Variants in EEF1AKMT1 observed in about 807,000 individuals in gnomAD.
The protein encoded by EEF1AKMT1 is EEF1A lysine methyltransferase 1.
A neutral mutation model predicts 21.0 loss-of-function variants in EEF1AKMT1; 18 were observed. That is an observed-to-expected ratio of 0.86 (90% CI 0.59 to 1.27). The LOEUF (loss-of-function observed/expected upper bound fraction) is 1.27, where lower values mean the gene tolerates loss of function less well. EEF1AKMT1 is among the 50% of genes most tolerant of loss of function. The pLI, the probability that EEF1AKMT1 is intolerant of heterozygous loss-of-function variation, is 0.00. For missense variants in EEF1AKMT1, 246 were observed against 258.6 expected (o/e 0.95, Z 0.33); for synonymous variants, 109 against 94.8 (o/e 1.15, Z -0.87).
chr13:20,756,116 C>CA (rs1281494288), intron 2 of EEF1AKMT1, among the ~76,000 whole-genome samples: 1 of 152,036 alleles, frequency 6.6e-6, no homozygotes, highest in African/African-American at 2.4e-5. Context: ...TTATATAACT[C>CA]AGAGATCCAA....
chr13:20,764,880 A>ACACAC (rs2059019235), intron 1 of EEF1AKMT1, among the ~76,000 whole-genome samples: 1 of 139,826 alleles, frequency 7.2e-6, no homozygotes, highest in South Asian at 2.4e-4. Context: ...TTTCACTTTC[A>ACACAC]ACACACACAC....
intron 1 of EEF1AKMT1, among the ~76,000 whole-genome samples, chr13:20,762,437 C>T (rs2059006055): frequency 6.6e-6 from 1 of 152,068 alleles, no homozygotes; most frequent in African/African-American, 2.4e-5. Context: ...GATCCGCCCA[C>T]CTCGGCCTCC....
At chr13:20,740,727 T>C (rs60138702) in intron 2 of EEF1AKMT1, among the ~76,000 whole-genome samples, 10,514 of 152,132 alleles carry the variant, frequency 0.069, 1,081 homozygotes, top group African/African-American at 0.22. Context: ...CGCTTGAACC[T>C]GGGAGGCGGA....
chr13:20,756,460 A>T (rs1202182911), intron 2 of EEF1AKMT1, among the ~76,000 whole-genome samples: 2 of 152,204 alleles, frequency 1.3e-5, no homozygotes, highest in Non-Finnish European at 2.9e-5. Flanking sequence ...TCAGTTCCCC[A>T]ATTTCCGGCA....
intron 1 of EEF1AKMT1, among the ~76,000 whole-genome samples, chr13:20,773,687 C>T (rs1269463428): frequency 6.6e-6 from 1 of 152,244 alleles, no homozygotes; most frequent in Admixed American, 6.5e-5. Flanking sequence ...CGGCGCCTTC[C>T]GGCGACCGGG....
At chr13:20,772,189 G>A (rs1327281884) in intron 1 of EEF1AKMT1, among the ~76,000 whole-genome samples, 1 of 151,824 alleles carries the variant, frequency 6.6e-6, no homozygotes, top group Non-Finnish European at 1.5e-5. Flanking sequence ...TGGCTACTCT[G>A]GGCACACTGT....
intron 1 of EEF1AKMT1, among the ~76,000 whole-genome samples, chr13:20,762,431 C>T (rs565727357): frequency 1.4e-4 from 21 of 152,016 alleles, no homozygotes; most frequent in Admixed American, 4.6e-4. Context: ...TCAAGTGATC[C>T]GCCCACCTCG....
At chr13:20,735,911 G>A (rs1293871190) in intron 3 of EEF1AKMT1, among the ~76,000 whole-genome samples, 7 of 152,064 alleles carry the variant, frequency 4.6e-5, no homozygotes, top group Non-Finnish European at 1.0e-4. Flanking sequence ...GGTAAACTCA[G>A]TAGAAAGTTT....
At chr13:20,763,679 C>G (rs1303950807) in intron 1 of EEF1AKMT1, among the ~76,000 whole-genome samples, 1 of 152,132 alleles carries the variant, frequency 6.6e-6, no homozygotes, top group East Asian at 1.9e-4. Context: ...TCTCAAACTC[C>G]TGACCTCTGG....
intron 2 of EEF1AKMT1, among the ~76,000 whole-genome samples, chr13:20,743,220 C>T (rs1206465819): frequency 6.6e-6 from 1 of 152,024 alleles, no homozygotes; most frequent in East Asian, 1.9e-4. Context: ...GTGTCCATTA[C>T]TGGGCCTGGC....
intron 2 of EEF1AKMT1, among the ~76,000 whole-genome samples, chr13:20,749,776 G>A (rs1369901057): frequency 6.6e-6 from 1 of 152,174 alleles, no homozygotes; most frequent in Non-Finnish European, 1.5e-5. Flanking sequence ...AATATTGAAT[G>A]TATCACTCTA....
In EEF1AKMT1 at chr13:20,728,770, G is replaced by A. The variant is rs2058773314; in HGVS notation, c.*310C>T. The stretch of plus-strand genomic sequence containing the variant: ...AGAGGCCAAGGTCCTGTCTCATTCA[G>A]GAGCCCTTGGGCAAGCCACACAACT... On this transcript the variant is annotated 3_prime_UTR_variant, in exon 5 of 5. Coordinates refer to ENST00000382758, the MANE Select transcript of EEF1AKMT1 (RefSeq NM_001318939.2). The A allele has an allele frequency of 2.8e-6, 1 of 359,416 alleles. No individual in the cohort carries two copies. Among genetic ancestry groups the A allele is most frequent in the Admixed American group, 4.1e-5 (1 of 24,238 alleles). The allele number at this position is 359,416 out of a possible 1,614,324, so 22.3% of individuals were successfully genotyped here.
chr13:20,738,589 G>A (rs964594314), intron 2 of EEF1AKMT1, among the ~76,000 whole-genome samples: 2 of 152,138 alleles, frequency 1.3e-5, no homozygotes, highest in Admixed American at 1.3e-4. Flanking sequence ...CAACTCAAGT[G>A]CCCATCAACT....
intron 1 of EEF1AKMT1, among the ~76,000 whole-genome samples, chr13:20,772,668 A>C (rs1315509676): frequency 1.3e-5 from 2 of 152,104 alleles, no homozygotes; most frequent in African/African-American, 2.4e-5. Context: ...TGGAGCTTCA[A>C]CTCGGCCTCA....
chr13:20,770,870 C>G (rs1329987413), intron 1 of EEF1AKMT1, among the ~76,000 whole-genome samples: 1 of 151,974 alleles, frequency 6.6e-6, no homozygotes, highest in African/African-American at 2.4e-5. Context: ...TATATTTATC[C>G]TTGACATATA....
intron 1 of EEF1AKMT1, among the ~76,000 whole-genome samples, chr13:20,772,442 C>A (rs1418920684): frequency 6.6e-6 from 1 of 152,138 alleles, no homozygotes; most frequent in African/African-American, 2.4e-5. Context: ...GTGCTACTGG[C>A]ATCAGGTGGG....
At position 20,741,456 on chromosome 13, in the gene EEF1AKMT1, C is replaced by CTT. The variant is rs562645355; in HGVS notation, c.145-3653_145-3652dup. On this transcript the variant is annotated intron_variant, in intron 2 of 4. Coordinates refer to ENST00000382758, the MANE Select transcript of EEF1AKMT1 (RefSeq NM_001318939.2). ...TTGTTGTTTTTTAACATTGTAATTA[C>CTT]TTTTTTTTTTTTTTTTTTTGAGATG... Among the ~76,000 whole-genome samples the CTT allele has an allele frequency of 6.5e-4, 73 of 112,196 alleles. 1 individual carries two copies. Among genetic ancestry groups the CTT allele is most frequent in the Middle Eastern group, 5.7e-3 (1 of 176 alleles). The allele number at this position is 112,196 out of a possible 152,430, so 73.6% of individuals were successfully genotyped here. A position where few individuals can be genotyped will look rare whatever the true frequency, so the allele number is the denominator to read the frequency against.
chr13:20,742,356 G>GAA (rs147300261), intron 2 of EEF1AKMT1, among the ~76,000 whole-genome samples: 1 of 148,174 alleles, frequency 6.7e-6, no homozygotes, highest in Non-Finnish European at 1.5e-5. Flanking sequence ...CAGTCTTTGA[G>GAA]AAAAAAAAAA....
chr13:20,741,810 C>A (rs2058873323), intron 2 of EEF1AKMT1, among the ~76,000 whole-genome samples: 1 of 152,122 alleles, frequency 6.6e-6, no homozygotes, highest in Admixed American at 6.6e-5. Flanking sequence ...GAAAAGTGAT[C>A]ATTCATATGA....
Sources: gnomAD v4.1 joint callset for allele counts (sites outside exome capture counted in the v4.1 genomes callset) on GRCh38, gnomAD v4.1.1 for gene constraint, MANE v1.5 for transcripts, NCBI Gene and HGNC (gene_info 2026-07-23, HGNC 2026-07-21) for gene names.